BLOC1S5: variants seen among roughly 807,000 people sequenced by gnomAD.
The protein encoded by BLOC1S5 is biogenesis of lysosomal organelles complex 1 subunit 5, also known as biogenesis of lysosome-related organelles complex 1 subunit 5.
BLOC1S5 carries 27 observed loss-of-function variants against 24.3 expected under a neutral mutation model. That is an observed-to-expected ratio of 1.11 (90% CI 0.82 to 1.53). The LOEUF is 1.53. BLOC1S5 is among the 40% of genes most tolerant of loss of function. The probability of loss-of-function intolerance (pLI) is 0.00; values close to 1 mark genes in which losing one functional copy is unlikely to be tolerated. For missense variants in BLOC1S5, 239 were observed against 229.4 expected, an observed-to-expected ratio of 1.04 and a Z score of -0.27; for synonymous variants, 84 against 74.5, an observed-to-expected ratio of 1.13 and a Z score of -0.66.
intron 3 of BLOC1S5, among the ~76,000 whole-genome samples, chr6:8,039,802 A>G (rs1763617519): frequency 6.6e-6 from 1 of 152,236 alleles, no homozygotes; most frequent in Admixed American, 6.5e-5. Context: ...CTGAGCTTAC[A>G]GGACTCAAAT....
chr6:8,014,357 T>C lies in BLOC1S5; in HGVS notation c.*1292A>G, dbSNP rs1762669631. ...GGTGCCATCTCAGCTCACCGCAACC[T>C]CCGCCTCCTGAGTTCAGGTGATTCT... On this transcript the variant is annotated 3_prime_UTR_variant, in exon 5 of 5. Coordinates refer to ENST00000397457, the MANE Select transcript of BLOC1S5 (RefSeq NM_201280.3). 1 of 152,054 alleles carries C rather than the reference T, an allele frequency of 6.6e-6. No homozygotes were observed. The highest frequency in any genetic ancestry group is 6.6e-5 in the Admixed American group (1 of 15,256). The allele number at this position is 152,054 out of a possible 1,614,324, so 9.4% of individuals were successfully genotyped here.
intron 3 of BLOC1S5, chr6:8,027,234 C>T (rs1014106079): frequency 2.5e-6 from 1 of 397,302 alleles, no homozygotes; most frequent in Non-Finnish European, 5.1e-6. Flanking sequence ...ATGTAGTGTG[C>T]AGGTTAAGAG....
intron 4 of BLOC1S5, among the ~76,000 whole-genome samples, chr6:8,022,568 A>T (rs1458797303): frequency 2.4e-5 from 3 of 124,010 alleles, no homozygotes; most frequent in Non-Finnish European, 4.9e-5. Flanking sequence ...TTCAAACTCT[A>T]TTTTTTTTTT....
At chr6:8,028,747 C>A (rs2744008) in intron 3 of BLOC1S5, among the ~76,000 whole-genome samples, 61,650 of 151,686 alleles carry the variant, frequency 0.41, 14,014 homozygotes, top group East Asian at 0.78. Context: ...TTTAGGCACA[C>A]AACGGAAAAG....
intron 3 of BLOC1S5, among the ~76,000 whole-genome samples, chr6:8,029,818 A>C (rs554521411): frequency 1.3e-5 from 2 of 152,380 alleles, no homozygotes; most frequent in East Asian, 1.9e-4. Context: ...TGCTGAAAAG[A>C]AGCAGTGATC....
At chr6:8,041,055 TC>T in intron 3 of BLOC1S5, 83 bp downstream of exon 3, 4 of 1,439,960 alleles carry the variant, frequency 2.8e-6, no homozygotes, top group East Asian at 2.3e-5. Context: ...CCTCTCCACC[TC>T]CCCCCATAAT....
intron 3 of BLOC1S5, among the ~76,000 whole-genome samples, chr6:8,037,653 T>G (rs938015826): frequency 3.3e-5 from 5 of 152,118 alleles, no homozygotes; most frequent in African/African-American, 1.2e-4. Context: ...CGAAAGACCC[T>G]GAATAGCCAA....
At chr6:8,058,018 T>A (rs1291167119) in intron 2 of BLOC1S5, among the ~76,000 whole-genome samples, 1 of 152,170 alleles carries the variant, frequency 6.6e-6, no homozygotes, top group East Asian at 1.9e-4. Context: ...CCCTAGATGG[T>A]AAACTTCACG....
rs1269478909 is a variant in BLOC1S5, at chr6:8,041,253, G to T, written c.211C>A (p.Arg71=). 6.2e-7 allele frequency: 1 copy of T among 1,607,772 alleles called. No homozygotes were observed. Among genetic ancestry groups the T allele is most frequent in the African/African-American group, 1.4e-5 (1 of 74,048 alleles). ...VKEFEEKRGL[R]EMRVLENLKN... is the part of the protein sequence containing the mutation. ...AAATTTTCAAGAACTCGCATTTCTC[G>T]AAGACCACGTTTTTCCTATTAAAAG... The change falls in exon 3 of 5, where the codon CGA becomes AGA. Residue 71 remains arginine (R), a synonymous_variant. Transcript: ENST00000397457.
chr6:8,024,514 C>CAAAAAAAAA (rs60853006), intron 4 of BLOC1S5, among the ~76,000 whole-genome samples: 6 of 65,770 alleles, frequency 9.1e-5, no homozygotes, highest in African/African-American at 1.1e-4. Context: ...GACTCCATCT[C>CAAAAAAAAA]AAAAAAAAAA....
chr6:8,016,203 G>A (rs963039315), intron 4 of BLOC1S5, among the ~76,000 whole-genome samples: 1 of 152,080 alleles, frequency 6.6e-6, no homozygotes, highest in Non-Finnish European at 1.5e-5. Flanking sequence ...GCACATGGCT[G>A]TAGTTCCAGC....
intron 3 of BLOC1S5, among the ~76,000 whole-genome samples, chr6:8,038,359 G>C (rs1214336060): frequency 6.6e-6 from 1 of 152,004 alleles, no homozygotes; most frequent in Non-Finnish European, 1.5e-5. Context: ...TTTCAAAAGA[G>C]ACATTTCTCA....
intron 2 of BLOC1S5, among the ~76,000 whole-genome samples, chr6:8,056,168 T>C (rs1210362446): frequency 6.6e-6 from 1 of 152,184 alleles, no homozygotes; most frequent in Non-Finnish European, 1.5e-5. Flanking sequence ...GCCAAATACA[T>C]TTCTCCTCAT....
At chr6:8,056,873 A>G (rs1764328412) in intron 2 of BLOC1S5, among the ~76,000 whole-genome samples, 1 of 152,240 alleles carries the variant, frequency 6.6e-6, no homozygotes, top group Non-Finnish European at 1.5e-5. Context: ...ACACACAGTA[A>G]GTGAATTAGT....
intron 2 of BLOC1S5, among the ~76,000 whole-genome samples, chr6:8,056,974 T>C (rs935227149): frequency 4.6e-5 from 7 of 152,192 alleles, no homozygotes; most frequent in Non-Finnish European, 1.0e-4. Context: ...CCCAGCACTT[T>C]GGGAGGCCGA....
intron 3 of BLOC1S5, among the ~76,000 whole-genome samples, chr6:8,037,436 A>G (rs941156990): frequency 7.2e-5 from 11 of 152,210 alleles, no homozygotes; most frequent in African/African-American, 2.7e-4. Flanking sequence ...AAAGATCTAT[A>G]CAAGGAAAAC....
chr6:8,020,398 G>C (rs1422942498), intron 4 of BLOC1S5, among the ~76,000 whole-genome samples: 1 of 152,122 alleles, frequency 6.6e-6, no homozygotes, highest in East Asian at 1.9e-4. Context: ...TAAGGCAAAA[G>C]AAGTTAACTG....
intron 2 of BLOC1S5, among the ~76,000 whole-genome samples, chr6:8,045,787 C>T (rs531686606): frequency 1.2e-4 from 19 of 152,318 alleles, no homozygotes; most frequent in African/African-American, 2.2e-4. Flanking sequence ...TCATTTGGAA[C>T]GGCTGTATTT....
At chr6:8,060,378 A>C (rs548287575) in intron 2 of BLOC1S5, among the ~76,000 whole-genome samples, 2 of 152,348 alleles carry the variant, frequency 1.3e-5, no homozygotes, top group South Asian at 4.1e-4. Context: ...ATCATCTAGG[A>C]TTTTTAAGTA....
Sources: allele counts gnomAD v4.1 joint callset (sites outside exome capture counted in the v4.1 genomes callset), GRCh38; gene constraint gnomAD v4.1.1; transcripts MANE v1.5; gene names NCBI Gene and HGNC (gene_info 2026-07-23, HGNC 2026-07-21).